ZNF346: variants seen among roughly 807,000 people sequenced by gnomAD.
The protein encoded by ZNF346 is double-stranded RNA-binding zinc finger protein JAZ.
In ZNF346, 23 loss-of-function variants were observed where a neutral mutation model predicts 33.7. The ratio of observed to expected loss-of-function variants is 0.68; its 90% confidence interval spans 0.49 to 0.97. The LOEUF (loss-of-function observed/expected upper bound fraction) is 0.97. Ranked by LOEUF, ZNF346 falls within the 50% of genes least tolerant of loss-of-function variation. ZNF346 has a pLI of 0.00. For missense variants in ZNF346, 340 were observed against 371.1 expected (o/e 0.92, Z 0.69); for synonymous variants, 134 against 142.4 (o/e 0.94, Z 0.42).
chr5:177,064,300 TG>T (rs1249047622), intron 6 of ZNF346, among the ~76,000 whole-genome samples: 5 of 152,234 alleles, frequency 3.3e-5, no homozygotes, highest in African/African-American at 1.2e-4. Flanking sequence ...GTATGTAAAA[TG>T]AGGGTGCTGT....
intron 4 of ZNF346, among the ~76,000 whole-genome samples, chr5:177,047,948 C>G (rs1308374635): frequency 6.6e-6 from 1 of 152,106 alleles, no homozygotes; most frequent in East Asian, 1.9e-4. Context: ...CATACAATTG[C>G]CTTCTATATG....
In ZNF346 at chr5:177,054,616, G is replaced by A. The variant is rs545297694; in HGVS notation, c.703+3680G>A. On this transcript the variant is annotated intron_variant, in intron 5 of 6. Transcript: ENST00000358149. ...GGGTTTCACCATGTTGGCCAGGCTG[G>A]TCTTGAACTCCTGACCTTGTGATCC... Among the ~76,000 whole-genome samples the A allele has an allele frequency of 4.7e-5, 7 of 150,272 alleles. No individual in the cohort carries two copies. In the South Asian group the frequency reaches 1.5e-3, roughly 32 times the overall value.
chr5:177,050,531 A>C (rs532259621), intron 4 of ZNF346, among the ~76,000 whole-genome samples: 1 of 152,030 alleles, frequency 6.6e-6, no homozygotes, highest in Admixed American at 6.6e-5. Flanking sequence ...GGCTCCCTCA[A>C]ATCTTCCCAG....
chr5:177,078,306 G>A (rs922519485), intron 8 of ZNF346, among the ~76,000 whole-genome samples: 2 of 152,206 alleles, frequency 1.3e-5, no homozygotes, highest in East Asian at 1.9e-4. Flanking sequence ...AAGACGCCAC[G>A]GTGTCAGCCA....
chr5:177,079,263 CA>C (rs528042738), intron 8 of ZNF346: 387 of 134,136 alleles, frequency 2.9e-3, no homozygotes, highest in Middle Eastern at 7.4e-3. Context: ...CAGAGAGACT[CA>C]AAAAAAAAAA....
intron 4 of ZNF346, among the ~76,000 whole-genome samples, chr5:177,047,383 G>A (rs1562001127): frequency 6.7e-6 from 1 of 149,448 alleles, no homozygotes; most frequent in Non-Finnish European, 1.5e-5. Context: ...TTTTGCCCAA[G>A]CTGGAGTGAA....
At chr5:177,072,701 T>C (rs1783562496), downstream of ZNF346, among the ~76,000 whole-genome samples, 1 of 151,924 alleles carries the variant, frequency 6.6e-6, no homozygotes. Context: ...ATACAAAAAT[T>C]AGTCAGGCGT....
chr5:177,056,993 A>G (rs1054132863), intron 5 of ZNF346, among the ~76,000 whole-genome samples: 2 of 152,254 alleles, frequency 1.3e-5, no homozygotes, highest in African/African-American at 2.4e-5. Flanking sequence ...CAAGTTTTTA[A>G]ATACATAGAG....
intron 3 of ZNF346, 165 bp from the exon 4 acceptor site, chr5:177,044,224 G>A (rs1015804668): frequency 4.2e-6 from 3 of 708,626 alleles, no homozygotes; most frequent in Middle Eastern, 4.1e-4. Flanking sequence ...GGGATGGTGA[G>A]TAGAGTCTGG....
At chr5:177,029,114 A>G (rs1561964732) in intron 1 of ZNF346, among the ~76,000 whole-genome samples, 1 of 152,164 alleles carries the variant, frequency 6.6e-6, no homozygotes, top group African/African-American at 2.4e-5. Context: ...GCTGGTTGCC[A>G]TAGGAACCAA....
intron 1 of ZNF346, among the ~76,000 whole-genome samples, chr5:177,027,027 A>T (rs926294458): frequency 2.6e-5 from 4 of 152,130 alleles, no homozygotes; most frequent in Non-Finnish European, 5.9e-5. Context: ...CTGATCATTT[A>T]AAAAAACTTG....
chr5:177,051,544 G>A (rs948121003), intron 5 of ZNF346, among the ~76,000 whole-genome samples: 6 of 145,828 alleles, frequency 4.1e-5, no homozygotes, highest in East Asian at 2.1e-4. Flanking sequence ...TTGTTTTTGC[G>A]TTTGTGTTTT....
chr5:177,047,973 T>C (rs951139797), intron 4 of ZNF346, among the ~76,000 whole-genome samples: 1 of 152,206 alleles, frequency 6.6e-6, no homozygotes, highest in Admixed American at 6.5e-5. Context: ...TTATTTAATA[T>C]GACATTTGTA....
chr5:177,072,020 G>A (rs866883330), downstream of ZNF346, among the ~76,000 whole-genome samples: 6 of 152,208 alleles, frequency 3.9e-5, no homozygotes, highest in Admixed American at 3.3e-4. Context: ...TAGCCACTAG[G>A]TGGAGTCAGC....
At chr5:177,055,695 C>CT (rs1015413183) in intron 5 of ZNF346, among the ~76,000 whole-genome samples, 1 of 152,036 alleles carries the variant, frequency 6.6e-6, no homozygotes, top group Non-Finnish European at 1.5e-5. Context: ...AATCCCAGCA[C>CT]TTTAGGAGGC....
intron 4 of ZNF346, 154 bp from the exon 5 acceptor site, chr5:177,050,597 C>T: frequency 1.4e-6 from 1 of 727,974 alleles, no homozygotes; most frequent in Non-Finnish European, 2.4e-6. Context: ...AGTGCCACAT[C>T]TGCAGTAGGA....
chr5:177,023,069 C>G lies in ZNF346; in HGVS notation c.175+156C>G, dbSNP rs1046667562. ...TGCTCCCCATCCGGGCGCGGGCACC[C>G]CAAGAATCGGGCCCCCAGCGCGCTG... On this transcript the variant is annotated intron_variant, in intron 1 of 6. Coordinates refer to ENST00000358149, the MANE Select transcript of ZNF346 (RefSeq NM_012279.4). The G allele has an allele frequency of 6.9e-6, 10 of 1,443,928 alleles. No homozygotes were observed. In the East Asian group the frequency reaches 9.9e-5, roughly 14 times the overall value. 89.4% of individuals were successfully genotyped at this position (1,443,928 alleles called of 1,614,324 possible). A position where few individuals can be genotyped will look rare whatever the true frequency, so the allele number is the denominator to read the frequency against.
chr5:177,025,829 AT>A (rs1393910721), intron 1 of ZNF346, among the ~76,000 whole-genome samples: 2 of 151,822 alleles, frequency 1.3e-5, no homozygotes, highest in Non-Finnish European at 2.9e-5. Context: ...TTGTTTTTTC[AT>A]TTTCTAAACA....
chr5:177,062,577 C>G (rs1782682883), intron 6 of ZNF346, among the ~76,000 whole-genome samples: 1 of 149,920 alleles, frequency 6.7e-6, no homozygotes, highest in Admixed American at 6.6e-5. Context: ...GAATGATGGC[C>G]AAGACAGACC....
Sources: gnomAD v4.1 joint callset for allele counts (sites outside exome capture counted in the v4.1 genomes callset) on GRCh38, gnomAD v4.1.1 for gene constraint, MANE v1.5 for transcripts, NCBI Gene and HGNC (gene_info 2026-07-23, HGNC 2026-07-21) for gene names.